The following CDH19 variants were observed in gnomAD, a reference collection of about 807,000 sequenced individuals.
CDH19 encodes the protein cadherin-19.
CDH19 carries 67 observed loss-of-function variants against 64.2 expected under a neutral mutation model. The ratio of observed to expected loss-of-function variants is 1.04; its 90% CI spans 0.86 to 1.28. The LOEUF (loss-of-function observed/expected upper bound fraction) is 1.28, where lower values mean the gene tolerates loss of function less well. Ranked by LOEUF, CDH19 falls within the 50% of genes most tolerant of loss-of-function variation. CDH19 has a pLI of 0.00. For missense variants in CDH19, 1,030 were observed against 929.0 expected (o/e 1.11, Z -1.41); for synonymous variants, 346 against 319.3 (o/e 1.08, Z -0.89).
intron 1 of CDH19, among the ~76,000 whole-genome samples, chr18:66,599,919 T>A (rs1988997442): frequency 6.6e-6 from 1 of 152,068 alleles, no homozygotes; most frequent in Admixed American, 6.6e-5. Context: ...CCAAGGGTTG[T>A]ATGTAATGGG....
chr18:66,575,703 T>C (rs1988246097), intron 1 of CDH19, among the ~76,000 whole-genome samples: 1 of 151,710 alleles, frequency 6.6e-6, no homozygotes, highest in African/African-American at 2.4e-5. Context: ...CGATACATGA[T>C]TAAATGAGTC....
At chr18:66,580,917 C>T (rs574516957) in intron 1 of CDH19, among the ~76,000 whole-genome samples, 1 of 152,170 alleles carries the variant, frequency 6.6e-6, no homozygotes, top group East Asian at 1.9e-4. Context: ...TGCTCCACTT[C>T]TGATTGAAGA....
At chr18:66,553,267 G>A (rs1400266605) in intron 4 of CDH19, among the ~76,000 whole-genome samples, 1 of 134,304 alleles carries the variant, frequency 7.4e-6, no homozygotes, top group East Asian at 1.9e-4. Context: ...AATCTAGCAA[G>A]TTGTATAACA....
intron 7 of CDH19, among the ~76,000 whole-genome samples, chr18:66,538,647 A>G (rs1168892008): frequency 6.6e-6 from 1 of 152,132 alleles, no homozygotes; most frequent in Non-Finnish European, 1.5e-5. Context: ...TGCTGCAACA[A>G]AACACCACAA....
intron 5 of CDH19, 71 bp downstream of exon 5, chr18:66,551,023 T>C (rs1192018720): frequency 5.0e-6 from 4 of 801,892 alleles, no homozygotes; most frequent in Admixed American, 2.5e-5. Context: ...GAATGAAAAC[T>C]ATATAATCTA....
intron 1 of CDH19, among the ~76,000 whole-genome samples, chr18:66,588,034 T>A (rs1402902134): frequency 6.6e-6 from 1 of 152,132 alleles, no homozygotes; most frequent in African/African-American, 2.4e-5. Flanking sequence ...AGTGTAATAT[T>A]GATGAGAAAA....
intron 2 of CDH19, 137 bp downstream of exon 2, chr18:66,571,873 A>G: frequency 3.5e-6 from 2 of 573,884 alleles, no homozygotes. Flanking sequence ...AATCTGAAAC[A>G]ATTATTGATG....
intron 1 of CDH19, among the ~76,000 whole-genome samples, chr18:66,580,926 G>A (rs1250361783): frequency 6.6e-6 from 1 of 152,042 alleles, no homozygotes; most frequent in African/African-American, 2.4e-5. Flanking sequence ...TCTGATTGAA[G>A]ACTGGTGGCA....
intron 8 of CDH19, chr18:66,532,230 G>A (rs1332169413): frequency 2.0e-5 from 3 of 151,782 alleles, no homozygotes. Context: ...GCCTCCTAAA[G>A]TGCTGGAATT....
intron 9 of CDH19, among the ~76,000 whole-genome samples, chr18:66,516,166 A>T (rs1388477989): frequency 6.6e-6 from 1 of 151,872 alleles, no homozygotes; most frequent in Non-Finnish European, 1.5e-5. Context: ...ATACTGAGGG[A>T]CACTCCCAGG....
intron 9 of CDH19, among the ~76,000 whole-genome samples, chr18:66,517,733 G>C (rs7233877): frequency 1.3e-5 from 2 of 151,820 alleles, no homozygotes; most frequent in Non-Finnish European, 2.9e-5. Context: ...AATGAGAAAA[G>C]AATCATCTTC....
intron 7 of CDH19, among the ~76,000 whole-genome samples, chr18:66,537,165 T>G (rs1233271233): frequency 6.6e-6 from 1 of 151,716 alleles, no homozygotes; most frequent in African/African-American, 2.4e-5. Context: ...GATTTCACTG[T>G]TTTTTTTCCA....
intron 4 of CDH19, among the ~76,000 whole-genome samples, chr18:66,552,350 A>T (rs1987373779): frequency 6.6e-6 from 1 of 152,090 alleles, no homozygotes; most frequent in African/African-American, 2.4e-5. Flanking sequence ...AAATGGTAGT[A>T]TTTTTGATTT....
chr18:66,556,952 T>A (rs986429032), intron 3 of CDH19, among the ~76,000 whole-genome samples: 6 of 151,926 alleles, frequency 3.9e-5, no homozygotes, highest in Non-Finnish European at 8.8e-5. Flanking sequence ...AGGGAACACG[T>A]GCACTGTAGG....
chr18:66,588,868 A>G (rs1988660319), intron 1 of CDH19, among the ~76,000 whole-genome samples: 1 of 151,814 alleles, frequency 6.6e-6, no homozygotes, highest in African/African-American at 2.4e-5. Context: ...TGATTAGGGA[A>G]TCATACATCC....
At chr18:66,555,848 T>C (rs982801924) in intron 3 of CDH19, among the ~76,000 whole-genome samples, 2 of 151,844 alleles carry the variant, frequency 1.3e-5, no homozygotes, top group Non-Finnish European at 2.9e-5. Flanking sequence ...CCACATTTCC[T>C]CATTATAATT....
At chr18:66,595,231 A>G (rs115695423) in intron 1 of CDH19, among the ~76,000 whole-genome samples, 107 of 151,730 alleles carry the variant, frequency 7.1e-4, no homozygotes, top group African/African-American at 2.6e-3. Context: ...TTAAATGTCC[A>G]TATCAAAAAG....
chr18:66,529,873 T>G lies in CDH19; in HGVS notation c.1430A>C (p.Tyr477Ser), dbSNP rs1218530704. ...APEFSQYYET[Y>S]VCENAGSGQV... Reference sequence around the variant, plus strand: ...ACCAGAGCCTGCATTTTCACAAACATAAGTCTCATAGTATTGAGAGAACTC... The same window carrying G: ...ACCAGAGCCTGCATTTTCACAAACAGAAGTCTCATAGTATTGAGAGAACTC... Residue 477 changes from tyrosine (Y) to serine (S), a missense_variant, in exon 9 of 12, where the codon TAT becomes TCT. Transcript: ENST00000262150. The G allele has an allele frequency of 3.1e-6, 5 of 1,596,222 alleles. No homozygotes were observed. The highest frequency in any genetic ancestry group is 8.6e-7 in the Non-Finnish European group (1 of 1,169,312).
At position 66,504,904 on chromosome 18, in the gene CDH19, G is replaced by T. The variant is rs775072291; in HGVS notation, c.2227C>A (p.Gln743Lys). Residue 743 changes from glutamine to lysine, a missense_variant, in exon 12 of 12, where the codon CAG becomes AAG. Gln to Lys is a moderately conservative substitution (Grantham distance 53). Transcript: ENST00000262150. Reference sequence around the variant, plus strand: ...TTAAGGTAATCATAGCTTTCATCCTGATCAGAGACTGCTGATTCTAAGGAG... The same window carrying T: ...TTAAGGTAATCATAGCTTTCATCCTTATCAGAGACTGCTGATTCTAAGGAG... ...LSSLESAVSD[Q>K]DESYDYLNEL... is the part of the protein sequence containing the mutation. 6.2e-7 allele frequency: 1 copy of T among 1,613,456 alleles called. No individual in the cohort carries two copies. The highest frequency in any genetic ancestry group is 1.1e-5 in the South Asian group (1 of 91,070).
Sources: allele counts gnomAD v4.1 joint callset (sites outside exome capture counted in the v4.1 genomes callset), GRCh38; gene constraint gnomAD v4.1.1; transcripts MANE v1.5; gene names NCBI Gene and HGNC (gene_info 2026-07-23, HGNC 2026-07-21).